The following SEMA7A variants were observed in gnomAD, a reference collection of about 807,000 sequenced individuals.
SEMA7A encodes the protein semaphorin 7A (JohnMiltonHagen blood group), also known as semaphorin-7A.
In SEMA7A, 21 loss-of-function variants were observed where a neutral mutation model predicts 67.5. The observed-to-expected ratio is 0.31, with a 90% CI of 0.22 to 0.45. The LOEUF is 0.45. Among genes scored for constraint, SEMA7A ranks in the 20% least tolerant of loss-of-function variants. SEMA7A has a pLI of 1.00. For synonymous variants in SEMA7A, 364 were observed against 368.5 expected, an observed-to-expected ratio of 0.99 and a Z score of 0.14; for missense variants, 774 against 908.6, an observed-to-expected ratio of 0.85 and a Z score of 1.90.
Position 74,411,171 on chromosome 15 carries a change from G to A in SEMA7A, c.1639+124C>T, listed in dbSNP as rs866008324. ...CCAAGAGGGCTCCCTCTGCAGGACTGTATCCTGCCCCATGTACCTGGGGCC... is the reference window on the plus strand; with the variant it reads ...CCAAGAGGGCTCCCTCTGCAGGACTATATCCTGCCCCATGTACCTGGGGCC... On this transcript the variant is annotated intron_variant, in intron 13 of 13. Transcript: ENST00000261918. The surrounding 1 kb of genome is among the most constrained non-coding windows in gnomAD (Gnocchi z 4.4). The A allele has an allele frequency of 1.5e-6, 2 of 1,312,330 alleles. No individual in the cohort carries two copies. The highest frequency in any genetic ancestry group is 2.9e-5 in the South Asian group (2 of 69,558). 81.3% of individuals were successfully genotyped at this position (1,312,330 alleles called of 1,614,324 possible).
chr15:74,431,020 G>T (rs937493189), intron 1 of SEMA7A, among the ~76,000 whole-genome samples: 1 of 152,192 alleles, frequency 6.6e-6, no homozygotes, highest in African/African-American at 2.4e-5. Flanking sequence ...TGACCTTGGG[G>T]TTCCAAGCCT....
chr15:74,433,424 CGGGGCCGAGAGA>C (rs1567081379), intron 1 of SEMA7A, among the ~76,000 whole-genome samples: 1 of 151,836 alleles, frequency 6.6e-6, no homozygotes. Flanking sequence ...CAGAGTGGCT[CGGGGCCGAGAGA>C]GGGGCCCGCC....
At chr15:74,431,788 C>A (rs2061090861) in intron 1 of SEMA7A, among the ~76,000 whole-genome samples, 1 of 151,070 alleles carries the variant, frequency 6.6e-6, no homozygotes, top group African/African-American at 2.4e-5. Context: ...AATGGCAGGG[C>A]CTGTCTGGCC....
At position 74,414,567 on chromosome 15, in the gene SEMA7A, T is replaced by A. The variant is rs780135051; in HGVS notation, c.1274A>T (p.His425Leu). The change falls in exon 10 of 14, where the codon CAT becomes CTT. Residue 425 changes from histidine to leucine, a missense_variant. By Grantham distance (99) the His-to-Leu change is moderately conservative. Transcript: ENST00000261918. The surrounding 1 kb of genome is among the most constrained non-coding windows in gnomAD (Gnocchi z 4.1). ...RMQASHGETF[H>L]VLYLTTDRGT... Reference sequence around the variant, plus strand: ...CTCACCTGTAGTTAGGTAAAGCACATGAAAGGTCTCCCCGTGGCTGGCTTG... The same window carrying A: ...CTCACCTGTAGTTAGGTAAAGCACAAGAAAGGTCTCCCCGTGGCTGGCTTG... 3 of 1,614,222 alleles carry A rather than the reference T, an allele frequency of 1.9e-6. No homozygotes were observed. The Admixed American group carries it at 5.0e-5, about 27-fold the overall frequency.
At position 74,411,321 on chromosome 15, in the gene SEMA7A, T is replaced by G. The variant is rs1379807322; in HGVS notation, c.1613A>C (p.His538Pro). Residue 538 changes from histidine (H) to proline (P), a missense_variant, in exon 13 of 14, where the codon CAC (histidine) becomes CCC (proline). Transcript: ENST00000261918. The surrounding 1 kb of genome is among the most constrained non-coding windows in gnomAD (Gnocchi z 4.4). ...TGGTTTGGGGTTGGGACACTCCTTG[T>G]GTGGCTCGGCTGGATTAATGGATTG... ...VLQSINPAEPHKECPNPKPDK... is the reference protein window; with the variant it reads ...VLQSINPAEPPKECPNPKPDK... 6.2e-7 allele frequency: 1 copy of G among 1,614,068 alleles called. No homozygotes were observed. Among genetic ancestry groups the G allele is most frequent in the South Asian group, 1.1e-5 (1 of 91,078 alleles).
In SEMA7A at chr15:74,423,134, C is replaced by G. The variant is rs1241443641; in HGVS notation, c.179-4182G>C. On this transcript the variant is annotated intron_variant, in intron 1 of 13. Transcript: ENST00000261918. This position sits in a 1 kb window ranked among gnomAD's most constrained non-coding sequence, Gnocchi z 4.1. ...CTAAGTCAGGCAGTCAGAGAGGCCCCGGGCCAAAGAGCAGAAAGCAGGCCG... is the reference window on the plus strand; with the variant it reads ...CTAAGTCAGGCAGTCAGAGAGGCCCGGGGCCAAAGAGCAGAAAGCAGGCCG... 6.6e-6 allele frequency among the ~76,000 whole-genome samples: 1 copy of G among 152,222 alleles called. No individual in the cohort carries two copies. The highest frequency in any genetic ancestry group is 2.4e-5 in the African/African-American group (1 of 41,454).
chr15:74,421,470 G>A (rs774460242), intron 1 of SEMA7A, among the ~76,000 whole-genome samples: 6 of 152,140 alleles, frequency 3.9e-5, no homozygotes, highest in Non-Finnish European at 5.9e-5. Flanking sequence ...AGCAGGGACT[G>A]TTCGTCCCAT....
At chr15:74,417,238 C>T in intron 6 of SEMA7A, 97 bp downstream of exon 6, 1 of 959,592 alleles carries the variant, frequency 1.0e-6, no homozygotes, top group Non-Finnish European at 1.7e-6. Flanking sequence ...CCCCAGCGGC[C>T]CTCAGGGAGC....
rs1393308453 is a variant in SEMA7A at position 74,423,077 on chromosome 15, G to A, written c.179-4125C>T. Among the ~76,000 whole-genome samples, 1 of 152,230 alleles carries A rather than the reference G, an allele frequency of 6.6e-6. No individual in the cohort carries two copies. Among genetic ancestry groups the A allele is most frequent in the Non-Finnish European group, 1.5e-5 (1 of 68,030 alleles). The stretch of plus-strand genomic sequence containing the variant: ...GGGCAGAGAGTCAGGCTCTGAAAAT[G>A]GCAGGAATGTGGGCACCCCCACAGA... On this transcript the variant is annotated intron_variant, in intron 1 of 13. Coordinates refer to ENST00000261918, the MANE Select transcript of SEMA7A (RefSeq NM_003612.5). The surrounding 1 kb of genome is among the most constrained non-coding windows in gnomAD (Gnocchi z 4.1).
intron 1 of SEMA7A, among the ~76,000 whole-genome samples, chr15:74,425,347 T>C (rs926731366): frequency 1.3e-5 from 2 of 152,224 alleles, no homozygotes; most frequent in African/African-American, 4.8e-5. Context: ...ATGAGGACCA[T>C]GAGACACAGA....
intron 1 of SEMA7A, among the ~76,000 whole-genome samples, chr15:74,421,699 G>GAGC (rs762642691): frequency 6.6e-6 from 1 of 152,164 alleles, no homozygotes; most frequent in Non-Finnish European, 1.5e-5. Flanking sequence ...GGGAAGTGTC[G>GAGC]AGCAGCAGCA....
intron 7 of SEMA7A, 36 bp from the exon 8 acceptor site, chr15:74,416,021 C>T (rs538426823): frequency 8.0e-5 from 128 of 1,599,184 alleles, no homozygotes; most frequent in Middle Eastern, 1.7e-4. Flanking sequence ...CCCCTCAGCA[C>T]CTGCCCGGGC....
Position 74,419,021 on chromosome 15 carries a change from A to G in SEMA7A, c.179-69T>C, listed in dbSNP as rs1379929573. Reference sequence around the variant, plus strand: ...AGAGAGAAGACTCTGGGTCCCCTCCACATGGCACACTGGAACCAGTGCTTG... The same window carrying G: ...AGAGAGAAGACTCTGGGTCCCCTCCGCATGGCACACTGGAACCAGTGCTTG... On this transcript the variant is annotated intron_variant, in intron 1 of 13. Coordinates refer to ENST00000261918, the MANE Select transcript of SEMA7A (RefSeq NM_003612.5). 21 of 1,538,954 alleles carry G rather than the reference A, an allele frequency of 1.4e-5. 1 individual carries two copies. In the East Asian group the frequency reaches 4.3e-4, roughly 31 times the overall value.
At position 74,428,954 on chromosome 15, in the gene SEMA7A, C is replaced by T. The variant is rs28362870; in HGVS notation, c.178+4787G>A. Among the ~76,000 whole-genome samples the T allele has an allele frequency of 6.9e-3, 1,050 of 152,320 alleles. 11 individuals are homozygous for T. The highest frequency in any genetic ancestry group is 0.024 in the African/African-American group (993 of 41,564). On this transcript the variant is annotated intron_variant, in intron 1 of 13. Transcript: ENST00000261918. Reference sequence around the variant, plus strand: ...CAAGGTGCCGTGGCCCTCCATCCCCCTGCTTTCTTTCTGGCCTGCCTGGTT... The same window carrying T: ...CAAGGTGCCGTGGCCCTCCATCCCCTTGCTTTCTTTCTGGCCTGCCTGGTT...
At chr15:74,417,494 A>C in intron 5 of SEMA7A, 49 bp from the exon 6 acceptor site, 1 of 1,590,008 alleles carries the variant, frequency 6.3e-7, no homozygotes, top group Non-Finnish European at 8.6e-7. Context: ...AGCTCCTGGA[A>C]GTCCCTCCTC....
rs1567069864 is a variant in SEMA7A at position 74,411,874 on chromosome 15, G to A, written c.1422+11C>T. ...TGCATAGCCCATGGGACGCAGTGGGGGAAGGCTCACCCGCTCAGCATCCAG... is the reference window on the plus strand; with the variant it reads ...TGCATAGCCCATGGGACGCAGTGGGAGAAGGCTCACCCGCTCAGCATCCAG... On this transcript the variant is annotated intron_variant, in intron 11 of 13. Transcript: ENST00000261918. This position sits in a 1 kb window ranked among gnomAD's most constrained non-coding sequence, Gnocchi z 4.4. The A allele has an allele frequency of 6.2e-7, 1 of 1,613,538 alleles. No homozygotes were observed. Among genetic ancestry groups the A allele is most frequent in the East Asian group, 2.2e-5 (1 of 44,882 alleles).
At chr15:74,413,618 G>A (rs1043118939) in intron 10 of SEMA7A, among the ~76,000 whole-genome samples, 2 of 152,202 alleles carry the variant, frequency 1.3e-5, no homozygotes, top group South Asian at 4.1e-4. Context: ...GGGGCCCAAG[G>A]GTGTAGCCGG....
chr15:74,411,806 C>T lies in SEMA7A; in HGVS notation c.1422+79G>A, dbSNP rs1359947037. 1.2e-6 allele frequency: 2 copies of T among 1,603,078 alleles called. No individual in the cohort carries two copies. The highest frequency in any genetic ancestry group is 2.2e-5 in the East Asian group (1 of 44,792). On this transcript the variant is annotated intron_variant, in intron 11 of 13. Transcript: ENST00000261918. This position sits in a 1 kb window ranked among gnomAD's most constrained non-coding sequence, Gnocchi z 4.4. ...AGGCCTAGAAGCTCTTAAAAGAACA[C>T]ACAAATCACATGCAAAGGAGCCCTG...
rs1278029177 is a variant in SEMA7A at position 74,411,509 on chromosome 15, T to C, written c.1577+47A>G. 1.3e-6 allele frequency: 2 copies of C among 1,542,686 alleles called. No individual in the cohort carries two copies. The highest frequency in any genetic ancestry group is 1.7e-6 in the Non-Finnish European group (2 of 1,143,498). The stretch of plus-strand genomic sequence containing the variant: ...TCCAGCCCGACAACACCTCCCCCTC[T>C]CCCATGCCCACCTTCTCCCAGGGAC... On this transcript the variant is annotated intron_variant, in intron 12 of 13. Coordinates refer to ENST00000261918, the MANE Select transcript of SEMA7A (RefSeq NM_003612.5). This position sits in a 1 kb window ranked among gnomAD's most constrained non-coding sequence, Gnocchi z 4.4.
Sources: gnomAD v4.1 joint callset for allele counts (sites outside exome capture counted in the v4.1 genomes callset) on GRCh38, gnomAD v4.1.1 for gene constraint, Gnocchi (gnomAD v3.1) non-coding constraint, MANE v1.5 for transcripts, NCBI Gene and HGNC (gene_info 2026-07-23, HGNC 2026-07-21) for gene names.